UNC79: variants seen among roughly 807,000 people sequenced by gnomAD.
UNC79 encodes the protein protein unc-79 homolog.
Under a neutral mutation model 283.1 loss-of-function variants are expected in UNC79, and 37 were observed. That is an observed-to-expected ratio of 0.13 (90% CI 0.10 to 0.17). The LOEUF is 0.17. Among genes scored for constraint, UNC79 ranks in the 10% least tolerant of loss-of-function variants. The probability of loss-of-function intolerance (pLI) is 1.00; values close to 1 mark genes in which losing one functional copy is unlikely to be tolerated. For missense variants in UNC79, 2,272 were observed against 3,211.1 expected (o/e 0.71, Z 7.07); for synonymous variants, 1,107 against 1,200.2 (o/e 0.92, Z 1.61).
intron 1 of UNC79, among the ~76,000 whole-genome samples, chr14:93,392,865 A>G (rs1566909251): frequency 6.6e-6 from 1 of 152,242 alleles, no homozygotes; most frequent in East Asian, 1.9e-4. Flanking sequence ...TAGGTTACAA[A>G]GGATTTGGGC....
intron 1 of UNC79, among the ~76,000 whole-genome samples, chr14:93,385,272 TTAACAATATTGA>T (rs2054746643): frequency 6.6e-6 from 1 of 152,224 alleles, no homozygotes; most frequent in South Asian, 2.1e-4. Flanking sequence ...TACAGACATT[TTAACAATATTGA>T]TTCTTCCAAT....
intron 40 of UNC79, among the ~76,000 whole-genome samples, chr14:93,669,292 A>G (rs2072573802): frequency 1.3e-5 from 2 of 152,202 alleles, no homozygotes; most frequent in South Asian, 4.1e-4. Flanking sequence ...TCAAAATGCT[A>G]ACTATATAGA....
At chr14:93,641,681 A>G (rs2069049364) in intron 33 of UNC79, among the ~76,000 whole-genome samples, 2 of 152,196 alleles carry the variant, frequency 1.3e-5, no homozygotes, top group Non-Finnish European at 2.9e-5. Flanking sequence ...AAGCACTTGT[A>G]AGATTTCAAG....
chr14:93,615,720 C>CAA (rs1158073507), intron 27 of UNC79, among the ~76,000 whole-genome samples: 375 of 23,152 alleles, frequency 0.016, 4 homozygotes, highest in Non-Finnish European at 0.018. Context: ...GACTCCATCT[C>CAA]AAAAAAAAAA....
chr14:93,676,786 T>C (rs1240466227), intron 41 of UNC79, among the ~76,000 whole-genome samples: 1 of 152,206 alleles, frequency 6.6e-6, no homozygotes, highest in Non-Finnish European at 1.5e-5. Flanking sequence ...ACAGTGATTA[T>C]TGCATCACAG....
rs555284558 is a variant in UNC79 at position 93,460,424 on chromosome 14, C to T, written c.23-7247C>T. ...ACTCAGGAGGCTGAGGCAGGAGAAT[C>T]GCTTGAACCTGGGAGGTGGAGGTTG... On this transcript the variant is annotated intron_variant, in intron 1 of 48. Transcript: ENST00000555664. Among the ~76,000 whole-genome samples the T allele has an allele frequency of 8.7e-5, 13 of 149,364 alleles. No homozygotes were observed. The East Asian group carries it at 1.6e-3, about 18-fold the overall frequency.
At chr14:93,539,198 T>C (rs2061249277) in intron 12 of UNC79, among the ~76,000 whole-genome samples, 1 of 135,090 alleles carries the variant, frequency 7.4e-6, no homozygotes, top group South Asian at 2.5e-4. Flanking sequence ...CCACCGTGCC[T>C]GGCTCCAGGC....
intron 1 of UNC79, among the ~76,000 whole-genome samples, chr14:93,354,738 G>A (rs1244605202): frequency 6.6e-6 from 1 of 152,174 alleles, no homozygotes; most frequent in Non-Finnish European, 1.5e-5. Context: ...CTGGGCTCAA[G>A]TAATCCTCCT....
intron 41 of UNC79, among the ~76,000 whole-genome samples, chr14:93,675,583 C>A (rs189006771): frequency 6.6e-6 from 1 of 152,198 alleles, no homozygotes; most frequent in Admixed American, 6.5e-5. Context: ...AGGAGTTGAC[C>A]CAGTAGAGAA....
chr14:93,380,122 A>G (rs550828157), intron 1 of UNC79, among the ~76,000 whole-genome samples: 1 of 152,302 alleles, frequency 6.6e-6, no homozygotes, highest in East Asian at 1.9e-4. Context: ...TAGTAGATGC[A>G]TATGTCAGAT....
chr14:93,452,463 A>G (rs968906835), intron 1 of UNC79, among the ~76,000 whole-genome samples: 1 of 145,648 alleles, frequency 6.9e-6, no homozygotes, highest in Non-Finnish European at 1.5e-5. Context: ...ATCTCGGCTC[A>G]CAGCAACCTC....
chr14:93,542,500 C>T lies in UNC79; in HGVS notation c.1559C>T (p.Thr520Ile), dbSNP rs1264786788. Residue 520 changes from threonine (T) to isoleucine (I), a missense_variant, in exon 14 of 49, where the codon ACA (threonine) becomes ATA (isoleucine). By Grantham distance (89) the Thr-to-Ile change is moderately conservative. Coordinates refer to ENST00000555664, the Ensembl canonical transcript of UNC79. The stretch of plus-strand genomic sequence containing the variant: ...TGCACACCCAGTGAGAACACGCCTA[C>T]AGAAAGCTTGGCCCGGCTGGTGGCC... The T allele has an allele frequency of 1.1e-5, 18 of 1,614,074 alleles. No individual in the cohort carries two copies. Among genetic ancestry groups the T allele is most frequent in the Non-Finnish European group, 1.4e-5 (17 of 1,180,034 alleles).
intron 36 of UNC79, 38 bp from the exon 40 acceptor site, chr14:93,653,902 A>G (rs777157316): frequency 6.2e-7 from 1 of 1,614,144 alleles, no homozygotes; most frequent in South Asian, 1.1e-5. Context: ...GCCTCATCCC[A>G]GACACCCAAA....
intron 1 of UNC79, among the ~76,000 whole-genome samples, chr14:93,434,364 A>C (rs2056003019): frequency 6.6e-6 from 1 of 152,190 alleles, no homozygotes; most frequent in African/African-American, 2.4e-5. Context: ...GTGATTGCAG[A>C]AGAGTTAAAT....
At chr14:93,460,914 T>C (rs2056944196) in intron 1 of UNC79, among the ~76,000 whole-genome samples, 1 of 152,164 alleles carries the variant, frequency 6.6e-6, no homozygotes, top group Admixed American at 6.5e-5. Flanking sequence ...CAGCATTGAA[T>C]AGAATACTGG....
intron 1 of UNC79, among the ~76,000 whole-genome samples, chr14:93,370,419 C>T (rs908552498): frequency 1.3e-5 from 2 of 152,150 alleles, no homozygotes; most frequent in African/African-American, 4.8e-5. Flanking sequence ...TGAAGAATGC[C>T]TTTGATGGGC....
intron 31 of UNC79, among the ~76,000 whole-genome samples, chr14:93,633,188 T>C (rs981122547): frequency 6.6e-6 from 1 of 152,208 alleles, no homozygotes; most frequent in Non-Finnish European, 1.5e-5. Flanking sequence ...ATTGTAAGTT[T>C]TACCAATTAG....
chr14:93,629,177 C>A (rs1278055475), intron 30 of UNC79, among the ~76,000 whole-genome samples: 1 of 152,060 alleles, frequency 6.6e-6, no homozygotes, highest in Non-Finnish European at 1.5e-5. Flanking sequence ...CCAGACTGGG[C>A]AATAGAGCAA....
chr14:93,612,178 C>G (rs1352328986), intron 26 of UNC79, among the ~76,000 whole-genome samples: 1 of 152,192 alleles, frequency 6.6e-6, no homozygotes, highest in Non-Finnish European at 1.5e-5. Context: ...CTCTCCCTTC[C>G]TTGTATGTTT....
Sources: gnomAD v4.1 joint callset for allele counts (sites outside exome capture counted in the v4.1 genomes callset) on GRCh38, gnomAD v4.1.1 for gene constraint, MANE v1.5 for transcripts, NCBI Gene and HGNC (gene_info 2026-07-23, HGNC 2026-07-21) for gene names.